Variants in ILKAP observed in about 807,000 individuals in gnomAD.
ILKAP encodes the protein integrin-linked kinase-associated serine/threonine phosphatase 2C.
In ILKAP, 11 loss-of-function variants were observed where a neutral mutation model predicts 49.1. The observed-to-expected ratio is 0.22, with a 90% CI of 0.14 to 0.37. ILKAP has a LOEUF of 0.37. Ranked by LOEUF, ILKAP falls within the 10% of genes least tolerant of loss-of-function variation. The pLI, the probability that ILKAP is intolerant of heterozygous loss-of-function variation, is 1.00. For missense variants in ILKAP, 363 were observed against 510.8 expected (o/e 0.71, Z 2.79); for synonymous variants, 186 against 192.8 (o/e 0.96, Z 0.29).
At chr2:238,181,959 C>T (rs1479057755) in intron 9 of ILKAP, 106 bp downstream of exon 9, 1 of 1,216,244 alleles carries the variant, frequency 8.2e-7, no homozygotes. Flanking sequence ...AGCCTCGTCA[C>T]ACTGAAGACT....
chr2:238,170,543 C>T lies in ILKAP; in HGVS notation c.1172G>A (p.Gly391Glu). Residue 391 changes from glycine to glutamate, a missense_variant, in exon 12 of 12, where the codon GGG (glycine) becomes GAG (glutamate). Gly to Glu is a moderately conservative substitution (Grantham distance 98). Coordinates refer to ENST00000254654, the MANE Select transcript of ILKAP (RefSeq NM_030768.3). ...CTGGCCGCGCGCCACCCCTCAGTGC[C>T]CTATCCGCACCACCATCACAGTGAC... Reference protein sequence around the residue: ...DNVTVMVVRIGH With the variant: ...DNVTVMVVRIEH 1.2e-6 allele frequency: 2 copies of T among 1,601,504 alleles called. No homozygotes were observed. Among genetic ancestry groups the T allele is most frequent in the Admixed American group, 3.4e-5 (2 of 59,366 alleles).
chr2:238,170,746 G>A lies in ILKAP; in HGVS notation c.1039-70C>T, dbSNP rs1006142915. 110 of 1,594,492 alleles carry A rather than the reference G, an allele frequency of 6.9e-5. 1 individual carries two copies. The South Asian group carries it at 1.2e-3, about 17-fold the overall frequency. ...CCTGTCACTTTCCTGAGACATGACT[G>A]CCAGGAAGAAGAGCTGCTCTGGTCT... On this transcript the variant is annotated intron_variant, in intron 11 of 11. Transcript: ENST00000254654.
At chr2:238,183,931 A>G in intron 7 of ILKAP, 89 bp downstream of exon 7, 1 of 999,386 alleles carries the variant, frequency 1.0e-6, no homozygotes, top group Non-Finnish European at 1.6e-6. Context: ...ACAGTGAGCA[A>G]TAGTGTTAAA....
At chr2:238,200,725 G>C (rs1408352361) in intron 1 of ILKAP, among the ~76,000 whole-genome samples, 2 of 152,216 alleles carry the variant, frequency 1.3e-5, no homozygotes, top group African/African-American at 4.8e-5. Flanking sequence ...AGGAGGCTGA[G>C]GTGGAAGAAT....
rs139979618 is a variant in ILKAP at position 238,184,221 on chromosome 2, C to T, written c.533-108G>A. 6.0e-4 allele frequency: 414 copies of T among 695,430 alleles called. No individual in the cohort carries two copies. In the African/African-American group the frequency reaches 6.6e-3, roughly 11 times the overall value. 43.1% of individuals were successfully genotyped at this position (695,430 alleles called of 1,614,324 possible). On this transcript the variant is annotated intron_variant, in intron 6 of 11. Coordinates refer to ENST00000254654, the MANE Select transcript of ILKAP (RefSeq NM_030768.3). Reference sequence around the variant, plus strand: ...GTTTTATTTTTTTGAGACGGAGTCTCGTTCTGTCACCAGGCTGGAATGCAG... The same window carrying T: ...GTTTTATTTTTTTGAGACGGAGTCTTGTTCTGTCACCAGGCTGGAATGCAG...
At chr2:238,193,738 C>A (rs990549650) in intron 3 of ILKAP, among the ~76,000 whole-genome samples, 25 of 152,202 alleles carry the variant, frequency 1.6e-4, no homozygotes, top group African/African-American at 4.3e-4. Context: ...TGCCCCCACA[C>A]CATCTATCTC....
intron 9 of ILKAP, among the ~76,000 whole-genome samples, chr2:238,179,200 A>G (rs1472826416): frequency 6.6e-6 from 1 of 152,236 alleles, no homozygotes; most frequent in African/African-American, 2.4e-5. Flanking sequence ...TCAAGTGAGC[A>G]GCAGAAAACC....
chr2:238,170,716 C>A, intron 11 of ILKAP, 40 bp from the exon 12 acceptor site: 1 of 1,599,794 alleles, frequency 6.3e-7, no homozygotes, highest in South Asian at 1.1e-5. Context: ...GGAGTGACCC[C>A]GCACCCTGTC....
intron 1 of ILKAP, among the ~76,000 whole-genome samples, chr2:238,199,880 G>A (rs1472443731): frequency 6.6e-6 from 1 of 151,336 alleles, no homozygotes; most frequent in Non-Finnish European, 1.5e-5. Context: ...CCCCCAAAGC[G>A]CTGGGATTAC....
At chr2:238,188,065 C>A in intron 5 of ILKAP, 66 bp downstream of exon 5, 1 of 1,568,236 alleles carries the variant, frequency 6.4e-7, no homozygotes, top group Non-Finnish European at 8.7e-7. Context: ...ACTAGCCAGT[C>A]CAAAATGCCA....
In ILKAP at chr2:238,170,915, A is replaced by G. The variant is rs369020278; in HGVS notation, c.1038+28T>C. 4 of 1,596,882 alleles carry G rather than the reference A, an allele frequency of 2.5e-6. No homozygotes were observed. In the African/African-American group the frequency reaches 4.0e-5, roughly 16 times the overall value. On this transcript the variant is annotated intron_variant, in intron 11 of 11. Coordinates refer to ENST00000254654, the MANE Select transcript of ILKAP (RefSeq NM_030768.3). ...TGAAAACTAAGACACAATTGGGACA[A>G]CCACCACCCCCGTGTGAGATTTCTC... is the stretch of plus-strand genomic sequence containing the variant.
At chr2:238,197,074 T>C (rs113095083) in intron 1 of ILKAP, among the ~76,000 whole-genome samples, 8,396 of 152,224 alleles carry the variant, frequency 0.055, 305 homozygotes, top group Non-Finnish European at 0.079. Flanking sequence ...CGGGTGCCTG[T>C]AGCCCCAGCT....
chr2:238,197,790 A>G (rs542781710), intron 1 of ILKAP, among the ~76,000 whole-genome samples: 3 of 152,174 alleles, frequency 2.0e-5, no homozygotes, highest in Admixed American at 6.5e-5. Context: ...GCTGGCCACA[A>G]CTGGGAATGG....
intron 9 of ILKAP, among the ~76,000 whole-genome samples, chr2:238,178,185 A>G (rs1693545220): frequency 6.6e-6 from 1 of 152,158 alleles, no homozygotes; most frequent in Non-Finnish European, 1.5e-5. Context: ...TAAAGTTAGG[A>G]TATTTTTATT....
chr2:238,184,169 T>A (rs1693808619), intron 6 of ILKAP, 56 bp from the exon 7 acceptor site: 1 of 957,130 alleles, frequency 1.0e-6, no homozygotes, highest in African/African-American at 1.6e-5. Context: ...ATTATCCTCC[T>A]CCCACTGTCA....
At chr2:238,188,519 T>C (rs1011450222) in intron 4 of ILKAP, 1 of 352,460 alleles carries the variant, frequency 2.8e-6, no homozygotes, top group Non-Finnish European at 5.3e-6. Context: ...CAACTCTGTC[T>C]AGGGTGTAAG....
chr2:238,171,160 CTTTTTTT>C (rs370968879), intron 10 of ILKAP, 136 bp from the exon 11 acceptor site: 30 of 399,648 alleles, frequency 7.5e-5, no homozygotes, highest in Admixed American at 5.3e-4. Flanking sequence ...TTTCTTTTTT[CTTTTTTT>C]TTTTTTTTTG....
intron 4 of ILKAP, among the ~76,000 whole-genome samples, chr2:238,189,250 G>T (rs1350408143): frequency 6.6e-6 from 1 of 151,968 alleles, no homozygotes; most frequent in Non-Finnish European, 1.5e-5. Context: ...GGGAGGCGGA[G>T]CTTGCAGTGA....
At chr2:238,175,236 C>T (rs1693399250) in intron 9 of ILKAP, among the ~76,000 whole-genome samples, 1 of 151,664 alleles carries the variant, frequency 6.6e-6, no homozygotes, top group Admixed American at 6.6e-5. Flanking sequence ...GTAGCTAGAA[C>T]TACAGGTGTC....
Sources: allele counts gnomAD v4.1 joint callset (sites outside exome capture counted in the v4.1 genomes callset), GRCh38; gene constraint gnomAD v4.1.1; transcripts MANE v1.5; gene names NCBI Gene and HGNC (gene_info 2026-07-23, HGNC 2026-07-21).